OSBPL9: variants seen among roughly 807,000 people sequenced by gnomAD.
The protein encoded by OSBPL9 is oxysterol binding protein like 9.
A neutral mutation model predicts 106.6 loss-of-function variants in OSBPL9; 40 were observed. The ratio of observed to expected loss-of-function variants is 0.38; its 90% CI spans 0.29 to 0.49. The LOEUF is 0.49. Ranked by LOEUF, OSBPL9 falls within the 20% of genes least tolerant of loss-of-function variation. The probability of loss-of-function intolerance (pLI) is 0.97; values close to 1 mark genes in which losing one functional copy is unlikely to be tolerated. For missense variants in OSBPL9, 609 were observed against 887.2 expected, an observed-to-expected ratio of 0.69 and a Z score of 3.98; for synonymous variants, 269 against 295.4, an observed-to-expected ratio of 0.91 and a Z score of 0.92.
chr1:51,637,422 G>A (rs1257064485), intron 1 of OSBPL9, among the ~76,000 whole-genome samples: 3 of 151,370 alleles, frequency 2.0e-5, no homozygotes, highest in African/African-American at 4.9e-5. Flanking sequence ...ACAGTGAGCC[G>A]AGATCACACC....
intron 15 of OSBPL9, 114 bp from the exon 16 acceptor site, chr1:51,781,050 T>C (rs1189530784): frequency 1.1e-5 from 9 of 818,866 alleles, no homozygotes; most frequent in Non-Finnish European, 1.7e-5. Flanking sequence ...TAACTCCTGG[T>C]CCTAGGTCCT....
At chr1:51,532,387 A>G in the OSBPL9 span, among the ~76,000 whole-genome samples, 2 of 152,182 alleles carry the variant, frequency 1.3e-5, no homozygotes, top group African/African-American at 4.8e-5. Context: ...GTGCAGGGGA[A>G]AGAATTGGCT....
intron 14 of OSBPL9, among the ~76,000 whole-genome samples, chr1:51,774,798 G>A (rs1674678927): frequency 6.6e-6 from 1 of 152,150 alleles, no homozygotes; most frequent in Non-Finnish European, 1.5e-5. Flanking sequence ...GCATGTATCA[G>A]TATAGCACTA....
In OSBPL9 at chr1:51,714,473, G is replaced by A. The variant is rs80099552; in HGVS notation, c.318+394G>A. On this transcript the variant is annotated intron_variant, in intron 4 of 23. Transcript: ENST00000428468. ...CTTGTTAAAGGATTTGGCTATTACC[G>A]TATGTGTCAGTTAGTACTCTTTTGT... Among the ~76,000 whole-genome samples, 354 of 152,276 alleles carry A rather than the reference G, an allele frequency of 2.3e-3. 4 individuals are homozygous for A. Among genetic ancestry groups the A allele is most frequent in the African/African-American group, 8.3e-3 (344 of 41,558 alleles).
intron 2 of OSBPL9, among the ~76,000 whole-genome samples, chr1:51,659,427 T>C (rs143102640): frequency 2.0e-5 from 3 of 152,026 alleles, no homozygotes; most frequent in Non-Finnish European, 4.4e-5. Flanking sequence ...TGATTTATAA[T>C]CTTAAATGAA....
At chr1:51,775,321 T>C (rs1265382088) in intron 14 of OSBPL9, among the ~76,000 whole-genome samples, 1 of 152,112 alleles carries the variant, frequency 6.6e-6, no homozygotes, top group Admixed American at 6.5e-5. Flanking sequence ...CACACCCCTC[T>C]TCCTATCCTT....
chr1:51,540,222 T>A, the OSBPL9 span, among the ~76,000 whole-genome samples: 1,109 of 140,440 alleles, frequency 7.9e-3, 8 homozygotes, highest in African/African-American at 0.027. Context: ...TTATTTTAAA[T>A]TTTTTTTTTA....
At chr1:51,770,333 G>A (rs529085980) in intron 12 of OSBPL9, among the ~76,000 whole-genome samples, 1 of 152,120 alleles carries the variant, frequency 6.6e-6, no homozygotes, top group East Asian at 1.9e-4. Flanking sequence ...AGTAGAGATG[G>A]GGCTTCACCA....
chr1:51,614,831 G>A (rs890180487), upstream of OSBPL9, among the ~76,000 whole-genome samples: 7 of 152,206 alleles, frequency 4.6e-5, no homozygotes, highest in East Asian at 3.9e-4. Context: ...AGGGGACACC[G>A]AGGCACAGAG....
At chr1:51,535,908 A>G in the OSBPL9 span, among the ~76,000 whole-genome samples, 1 of 152,096 alleles carries the variant, frequency 6.6e-6, no homozygotes, top group Non-Finnish European at 1.5e-5. Flanking sequence ...AATAATCTCA[A>G]ACTTGCAGAA....
At chr1:51,607,650 A>G (rs1017790433) in intron 2 of OSBPL9, among the ~76,000 whole-genome samples, 3 of 152,100 alleles carry the variant, frequency 2.0e-5, no homozygotes, top group Non-Finnish European at 4.4e-5. Flanking sequence ...TCTTCCTCCT[A>G]ATCTATTCTC....
intron 4 of OSBPL9, among the ~76,000 whole-genome samples, chr1:51,720,709 A>C (rs569225928): frequency 6.6e-6 from 1 of 152,192 alleles, no homozygotes; most frequent in African/African-American, 2.4e-5. Flanking sequence ...TTGGGCTAAG[A>C]AATTGGGCAT....
the OSBPL9 span, among the ~76,000 whole-genome samples, chr1:51,530,180 A>C: frequency 6.1e-3 from 693 of 114,448 alleles, 12 homozygotes; most frequent in African/African-American, 0.026. Flanking sequence ...CAAAAAAAAA[A>C]AAAAAAAAAA....
chr1:51,567,954 G>A, the OSBPL9 span: 3 of 152,230 alleles, frequency 2.0e-5, no homozygotes, highest in Non-Finnish European at 4.4e-5. Context: ...AGTCCCAGCA[G>A]GATATAGATG....
At chr1:51,590,988 T>A (rs983765458) in intron 1 of OSBPL9, among the ~76,000 whole-genome samples, 2 of 149,908 alleles carry the variant, frequency 1.3e-5, no homozygotes, top group East Asian at 4.0e-4. Flanking sequence ...GCGCGATCTC[T>A]GCTCACTGCA....
intron 1 of OSBPL9, among the ~76,000 whole-genome samples, chr1:51,622,653 G>A (rs1644513257): frequency 6.6e-6 from 1 of 152,168 alleles, no homozygotes; most frequent in South Asian, 2.1e-4. Context: ...GCTGTTGGAA[G>A]GTGGCCTCAT....
At chr1:51,554,420 G>A in the OSBPL9 span, among the ~76,000 whole-genome samples, 155 of 152,298 alleles carry the variant, frequency 1.0e-3, no homozygotes, top group African/African-American at 3.5e-3. Context: ...CATAGTTTGT[G>A]ACTCAAAATG....
chr1:51,542,362 T>G, the OSBPL9 span, among the ~76,000 whole-genome samples: 2 of 152,090 alleles, frequency 1.3e-5, no homozygotes, highest in African/African-American at 4.8e-5. Context: ...ACATCCCAGA[T>G]CTCTAGACTC....
At chr1:51,701,545 G>A (rs939030915) in intron 3 of OSBPL9, among the ~76,000 whole-genome samples, 1 of 151,658 alleles carries the variant, frequency 6.6e-6, no homozygotes, top group African/African-American at 2.4e-5. Context: ...TTGCTAACAT[G>A]TACTCCTATG....
Sources: gnomAD v4.1 joint callset for allele counts (sites outside exome capture counted in the v4.1 genomes callset) on GRCh38, gnomAD v4.1.1 for gene constraint, MANE v1.5 for transcripts, NCBI Gene and HGNC (gene_info 2026-07-23, HGNC 2026-07-21) for gene names.